The following MADD variants were observed in gnomAD, a reference collection of about 807,000 sequenced individuals.
MADD encodes the protein MAP kinase-activating death domain protein.
Under a neutral mutation model 176.7 loss-of-function variants are expected in MADD, and 109 were observed. That is an observed-to-expected ratio of 0.62 (90% CI 0.53 to 0.72). The LOEUF (loss-of-function observed/expected upper bound fraction) is 0.72, where lower values mean the gene tolerates loss of function less well. Ranked by LOEUF, MADD falls within the 30% of genes least tolerant of loss-of-function variation. The pLI is 0.00. For missense variants in MADD, 1,914 were observed against 2,045.5 expected, an observed-to-expected ratio of 0.94 and a Z score of 1.24; for synonymous variants, 771 against 771.3, an observed-to-expected ratio of 1.00 and a Z score of 0.01.
intron 22 of MADD, among the ~76,000 whole-genome samples, chr11:47,303,828 G>A (rs1372613803): frequency 1.3e-5 from 2 of 150,008 alleles, no homozygotes; most frequent in African/African-American, 4.9e-5. Flanking sequence ...GGCTGGTCTC[G>A]AACTCCTGAC....
chr11:47,277,939 A>G (rs2052043276), intron 5 of MADD, among the ~76,000 whole-genome samples: 1 of 152,266 alleles, frequency 6.6e-6, no homozygotes, highest in South Asian at 2.1e-4. Context: ...GTTAACTGGA[A>G]TCACAGAAAG....
intron 15 of MADD, among the ~76,000 whole-genome samples, chr11:47,286,796 AG>A (rs2060950809): frequency 6.6e-6 from 1 of 152,170 alleles, no homozygotes; most frequent in African/African-American, 2.4e-5. Context: ...GGACCCTGTC[AG>A]GGTATATGAT....
chr11:47,305,877 A>G (rs1233095212), intron 22 of MADD, among the ~76,000 whole-genome samples: 1 of 152,172 alleles, frequency 6.6e-6, no homozygotes, highest in Admixed American at 6.5e-5. Flanking sequence ...GTGTCAGCTC[A>G]GCCCTGGAAT....
chr11:47,316,614 T>G (rs1322000557), intron 27 of MADD, among the ~76,000 whole-genome samples: 1 of 152,026 alleles, frequency 6.6e-6, no homozygotes, highest in Non-Finnish European at 1.5e-5. Context: ...GGTCTCCAAC[T>G]CCTGACCTCA....
chr11:47,328,935 C>A, intron 32 of MADD, 111 bp from the exon 37 acceptor site: 1 of 1,045,658 alleles, frequency 9.6e-7, no homozygotes, highest in Non-Finnish European at 1.5e-6. Flanking sequence ...TCACGTTTAG[C>A]CCAGAGGCCC....
intron 25 of MADD, among the ~76,000 whole-genome samples, chr11:47,310,453 G>A (rs1263200239): frequency 6.6e-6 from 1 of 151,962 alleles, no homozygotes; most frequent in African/African-American, 2.4e-5. Context: ...CAAAGTGCTG[G>A]GATTACAGGC....
intron 26 of MADD, among the ~76,000 whole-genome samples, chr11:47,314,928 A>C (rs1239569505): frequency 5.9e-5 from 9 of 152,214 alleles, no homozygotes; most frequent in African/African-American, 2.2e-4. Context: ...TTAATCATTA[A>C]TTGTTTTTAT....
At chr11:47,275,790 A>G in intron 3 of MADD, 109 bp from the exon 4 acceptor site, 1 of 1,086,394 alleles carries the variant, frequency 9.2e-7, no homozygotes, top group Non-Finnish European at 1.3e-6. Flanking sequence ...TTTCTTAATG[A>G]TGCTCCGTTT....
At chr11:47,329,466 G>GTCCTTA (rs1183839174) in exon 33 of MADD, 1 of 336,226 alleles carries the variant, frequency 3.0e-6, no homozygotes, top group Non-Finnish European at 5.7e-6. Context: ...CCTTGTCCTT[G>GTCCTTA]TCCCTGGCGT....
exon 8 of MADD, chr11:47,281,612 T>G: frequency 6.2e-7 from 1 of 1,613,060 alleles, no homozygotes; most frequent in East Asian, 2.2e-5. Context: ...CAGCCCATCC[T>G]CAATCTGGAG....
At chr11:47,271,038 A>G (rs957542445) in intron 1 of MADD, 1 of 152,240 alleles carries the variant, frequency 6.6e-6, no homozygotes, top group African/African-American at 2.4e-5. Context: ...TTCTGCTGAA[A>G]AGGCATAGAT....
At chr11:47,294,391 C>T (rs59145457) in intron 20 of MADD, among the ~76,000 whole-genome samples, 14 of 150,260 alleles carry the variant, frequency 9.3e-5, no homozygotes, top group African/African-American at 2.2e-4. Context: ...TAGCCAGGTG[C>T]GGTGGTTCAT....
At chr11:47,274,155 C>T (rs918098069) in intron 2 of MADD, among the ~76,000 whole-genome samples, 179 bp downstream of exon 2, 5 of 152,178 alleles carry the variant, frequency 3.3e-5, no homozygotes, top group African/African-American at 1.2e-4. Flanking sequence ...GAAAGCAAAA[C>T]CCTGCTCTTA....
intron 19 of MADD, 28 bp from the exon 22 acceptor site, chr11:47,293,855 G>C (rs768011624): frequency 2.1e-6 from 3 of 1,450,270 alleles, no homozygotes; most frequent in African/African-American, 2.8e-5. Context: ...CTTTGTGCAC[G>C]GAGTAACAGA....
exon 25 of MADD, chr11:47,309,519 T>C (rs1319036653): frequency 1.2e-6 from 2 of 1,613,898 alleles, no homozygotes; most frequent in African/African-American, 2.7e-5. Flanking sequence ...ACCTGTCCCT[T>C]GGAGAACATG....
At chr11:47,285,924 G>C (rs2060294203) in intron 14 of MADD, among the ~76,000 whole-genome samples, 1 of 152,148 alleles carries the variant, frequency 6.6e-6, no homozygotes, top group Admixed American at 6.5e-5. Context: ...GTCCATATCT[G>C]GTATCTTCTT....
chr11:47,298,593 G>A (rs569149264), intron 22 of MADD, among the ~76,000 whole-genome samples: 1 of 152,286 alleles, frequency 6.6e-6, no homozygotes, highest in South Asian at 2.1e-4. Flanking sequence ...TCCCTTGTCA[G>A]ATGAATAGTT....
exon 14 of MADD, chr11:47,285,474 A>G: frequency 1.9e-6 from 3 of 1,614,188 alleles, no homozygotes; most frequent in Non-Finnish European, 2.5e-6. Flanking sequence ...CTGCGGCCCA[A>G]CAGCTTGAGA....
At chr11:47,276,911 G>A in intron 5 of MADD, 48 bp downstream of exon 5, 1 of 1,605,820 alleles carries the variant, frequency 6.2e-7, no homozygotes, top group Non-Finnish European at 8.5e-7. Flanking sequence ...TCTTCCTGAG[G>A]GAGGAGGCTT....
Sources: allele counts gnomAD v4.1 joint callset (sites outside exome capture counted in the v4.1 genomes callset), GRCh38; gene constraint gnomAD v4.1.1; transcripts MANE v1.5; gene names NCBI Gene and HGNC (gene_info 2026-07-23, HGNC 2026-07-21).